NUDT17: variants seen among roughly 807,000 people sequenced by gnomAD.
NUDT17 encodes m7GpppN-mRNA hydrolase NUDT17.
In NUDT17, 38 loss-of-function variants were observed where a neutral mutation model predicts 38.6. The ratio of observed to expected loss-of-function variants is 0.98; its 90% CI spans 0.76 to 1.29. The LOEUF (loss-of-function observed/expected upper bound fraction) is 1.29, where lower values mean the gene tolerates loss of function less well. Ranked by LOEUF, NUDT17 falls within the 50% of genes most tolerant of loss-of-function variation. The pLI is 0.00. For synonymous variants in NUDT17, 192 were observed against 167.8 expected, an observed-to-expected ratio of 1.14 and a Z score of -1.11; for missense variants, 462 against 415.2, an observed-to-expected ratio of 1.11 and a Z score of -0.98.
chr1:145,845,700 A>C lies in NUDT17; in HGVS notation c.60A>C (p.Ala20=). The change falls in exon 1 of 8, where the codon GCA becomes GCC. Residue 20 remains alanine (A), a synonymous_variant. Coordinates refer to ENST00000334513, the MANE Select transcript of NUDT17 (RefSeq NM_001012758.3). ...GGCGTCCGGAGTCGGTGAGCTTCGC[A>C]CGGAGTGTGTGTGGCCTCCTGGGAG... ...LSRRPESVSF[A]RSVCGLLGAG... 4 of 1,549,438 alleles carry C rather than the reference A, an allele frequency of 2.6e-6. No individual in the cohort carries two copies. Among genetic ancestry groups the C allele is most frequent in the Non-Finnish European group, 3.5e-6 (4 of 1,145,646 alleles).
chr1:145,847,399 C>T (rs781806542), intron 5 of NUDT17, 51 bp downstream of exon 5: 5 of 1,455,042 alleles, frequency 3.4e-6, no homozygotes, highest in South Asian at 2.3e-5. Flanking sequence ...GCCCAAGCAA[C>T]CTGGTTCTGA....
At chr1:145,848,058 TA>T in intron 6 of NUDT17, 53 bp from the exon 7 acceptor site, 1 of 1,605,712 alleles carries the variant, frequency 6.2e-7, no homozygotes. Flanking sequence ...AACATATATG[TA>T]AGTTCTTTGT....
intron 5 of NUDT17, 102 bp downstream of exon 5, chr1:145,847,450 A>G: frequency 7.1e-7 from 1 of 1,415,004 alleles, no homozygotes; most frequent in Non-Finnish European, 9.9e-7. Flanking sequence ...GGGTAGTCAG[A>G]GATAACGAAG....
intron 7 of NUDT17, 41 bp from the exon 8 acceptor site, chr1:145,848,336 G>A: frequency 1.9e-6 from 3 of 1,612,052 alleles, no homozygotes; most frequent in Non-Finnish European, 2.5e-6. Context: ...AGGCACGGGG[G>A]AAAGCAGGAA....
chr1:145,845,662 C>T lies in NUDT17; in HGVS notation c.22C>T (p.Leu8=), dbSNP rs1263461117. The T allele has an allele frequency of 2.0e-6, 3 of 1,529,216 alleles. No homozygotes were observed. The highest frequency in any genetic ancestry group is 1.4e-5 in the African/African-American group (1 of 72,688). 94.7% of individuals were successfully genotyped at this position (1,529,216 alleles called of 1,614,324 possible). A position where few individuals can be genotyped will look rare whatever the true frequency, so the allele number is the denominator to read the frequency against. Residue 8 remains leucine (L), a synonymous_variant, in exon 1 of 8, where the codon CTG becomes TTG. Transcript: ENST00000334513. ...CGTTATGGCCGAGGTGCGGGTGCAG[C>T]TGCTCCTGTCCCGGCGTCCGGAGTC... is the stretch of plus-strand genomic sequence containing the variant. MAEVRVQ[L]LLSRRPESVS...
Position 145,848,509 on chromosome 1 carries a change from C to A in NUDT17, c.*30C>A. 7.0e-7 allele frequency: 1 copy of A among 1,430,694 alleles called. No homozygotes were observed. The highest frequency in any genetic ancestry group is 1.2e-5 in the South Asian group (1 of 85,482). 88.6% of individuals were successfully genotyped at this position (1,430,694 alleles called of 1,614,324 possible). A position where few individuals can be genotyped will look rare whatever the true frequency, so the allele number is the denominator to read the frequency against. ...TAAAATCCCCTCCCTAGCCCATCTC[C>A]ATGACACTCACAGAACATTCACAAC... On this transcript the variant is annotated 3_prime_UTR_variant, in exon 8 of 8. Transcript: ENST00000334513.
Position 145,846,716 on chromosome 1 carries a change from C to T in NUDT17, c.495+26C>T, listed in dbSNP as rs781889845. ...GTGAGACAAGTAGCTGGGAGAAGCT[C>T]CTCCATAGATCAGCCCCTACCTGCC... On this transcript the variant is annotated intron_variant, in intron 4 of 7. Transcript: ENST00000334513. 18 of 1,493,468 alleles carry T rather than the reference C, an allele frequency of 1.2e-5. No individual in the cohort carries two copies. The Admixed American group carries it at 2.8e-4, about 24-fold the overall frequency. 92.5% of individuals were successfully genotyped at this position (1,493,468 alleles called of 1,614,324 possible). A position where few individuals can be genotyped will look rare whatever the true frequency, so the allele number is the denominator to read the frequency against.
Position 145,847,305 on chromosome 1 carries a change from T to C in NUDT17, c.551T>C (p.Leu184Pro). The change falls in exon 5 of 8, where the codon CTG becomes CCG. Residue 184 changes from leucine (L) to proline (P), a missense_variant. Coordinates refer to ENST00000334513, the MANE Select transcript of NUDT17 (RefSeq NM_001012758.3). ...TTACCCAAATACCATCACATTGTTC[T>C]GTATCTACTCGTGATCTCCCAGGAA... ...WGLPKYHHIV[L>P]YLLVISQESQ... The C allele has an allele frequency of 6.2e-7, 1 of 1,612,096 alleles. No individual in the cohort carries two copies. The highest frequency in any genetic ancestry group is 1.3e-5 in the African/African-American group (1 of 74,976).
chr1:145,847,523 A>T (rs1410407795), intron 5 of NUDT17, 60 bp from the exon 6 acceptor site: 5 of 1,600,428 alleles, frequency 3.1e-6, no homozygotes, highest in Non-Finnish European at 4.3e-6. Flanking sequence ...GTAGGTTTTG[A>T]TCACGAACAG....
At chr1:145,846,757 A>G in intron 4 of NUDT17, 67 bp downstream of exon 4, 3 of 1,072,676 alleles carry the variant, frequency 2.8e-6, no homozygotes, top group Non-Finnish European at 4.4e-6. Context: ...TACAAGGGAA[A>G]CAATAGCACA....
Position 145,845,753 on chromosome 1 carries a change from T to C in NUDT17, c.113T>C (p.Ile38Thr), listed in dbSNP as rs1197709010. Residue 38 changes from isoleucine to threonine, a missense_variant, in exon 1 of 8, where the codon ATT becomes ACT. Coordinates refer to ENST00000334513, the MANE Select transcript of NUDT17 (RefSeq NM_001012758.3). ...GAGPGLGTWP[I>T]HCSLKRGRLV... ...GGACCAGGGCTCGGGACGTGGCCCA[T>C]TCACTGCAGCTTGAAGCGAGGACGG... 2.7e-5 allele frequency: 43 copies of C among 1,576,570 alleles called. No homozygotes were observed. Among genetic ancestry groups the C allele is most frequent in the Non-Finnish European group, 3.5e-5 (41 of 1,161,748 alleles).
At position 145,848,421 on chromosome 1, in the gene NUDT17, C is replaced by T; in HGVS notation, c.929C>T (p.Pro310Leu). 2 of 1,614,142 alleles carry T rather than the reference C, an allele frequency of 1.2e-6. No homozygotes were observed. The highest frequency in any genetic ancestry group is 1.1e-5 in the South Asian group (1 of 91,080). ...CKSAAYLDPG[P>L]AKEEWNMDPL... is the part of the protein sequence containing the mutation. ...AGTGCAGCTTACCTGGACCCAGGGCCAGCAAAGGAAGAATGGAACATGGAC... is the reference window on the plus strand; with the variant it reads ...AGTGCAGCTTACCTGGACCCAGGGCTAGCAAAGGAAGAATGGAACATGGAC... Residue 310 changes from proline (P) to leucine (L), a missense_variant, in exon 8 of 8, where the codon CCA (proline) becomes CTA (leucine). Physicochemically the swap from Pro to Leu is moderately conservative, Grantham distance 98 (BLOSUM62 -3). Transcript: ENST00000334513.
chr1:145,847,609 G>A lies in NUDT17; in HGVS notation c.621G>A (p.Glu207=). 6.2e-7 allele frequency: 1 copy of A among 1,613,860 alleles called. No homozygotes were observed. Among genetic ancestry groups the A allele is most frequent in the Non-Finnish European group, 8.5e-7 (1 of 1,180,028 alleles). ...LQARIQPNPN[E]VSALMWLTPD... The stretch of plus-strand genomic sequence containing the variant: ...CCCGGATCCAACCAAACCCAAATGA[G>A]GTGAGCGCCCTTATGTGGCTGACAC... Residue 207 remains glutamate (E), a synonymous_variant, in exon 6 of 8, where the codon GAG becomes GAA. Coordinates refer to ENST00000334513, the MANE Select transcript of NUDT17 (RefSeq NM_001012758.3).
chr1:145,845,884 A>G, intron 1 of NUDT17, 52 bp downstream of exon 1: 2 of 1,539,454 alleles, frequency 1.3e-6, no homozygotes, highest in Non-Finnish European at 1.8e-6. Flanking sequence ...AAAGATGGGG[A>G]CTGAAATCGG....
In NUDT17 at chr1:145,845,709, G is replaced by C; in HGVS notation, c.69G>C (p.Val23=). ...RPESVSFARS[V]CGLLGAGPGL... is the part of the protein sequence containing the mutation. ...AGTCGGTGAGCTTCGCACGGAGTGTGTGTGGCCTCCTGGGAGCCGGACCAG... is the reference window on the plus strand; with the variant it reads ...AGTCGGTGAGCTTCGCACGGAGTGTCTGTGGCCTCCTGGGAGCCGGACCAG... The change falls in exon 1 of 8, where the codon GTG becomes GTC. Residue 23 remains valine, a synonymous_variant. Coordinates refer to ENST00000334513, the MANE Select transcript of NUDT17 (RefSeq NM_001012758.3). 1 of 1,553,462 alleles carries C rather than the reference G, an allele frequency of 6.4e-7. No individual in the cohort carries two copies. The highest frequency in any genetic ancestry group is 8.7e-7 in the Non-Finnish European group (1 of 1,148,468).
chr1:145,848,529 C>A lies in NUDT17; in HGVS notation c.*50C>A. 1 of 1,266,490 alleles carries A rather than the reference C, an allele frequency of 7.9e-7. No individual in the cohort carries two copies. Among genetic ancestry groups the A allele is most frequent in the Non-Finnish European group, 1.1e-6 (1 of 877,532 alleles). 78.5% of individuals were successfully genotyped at this position (1,266,490 alleles called of 1,614,324 possible). A position where few individuals can be genotyped will look rare whatever the true frequency, so the allele number is the denominator to read the frequency against. On this transcript the variant is annotated 3_prime_UTR_variant, in exon 8 of 8. Transcript: ENST00000334513. ...ATCTCCATGACACTCACAGAACATT[C>A]ACAACCTTTATTATGGGTGAGAGCT...
At position 145,847,570 on chromosome 1, in the gene NUDT17, T is replaced by A. The variant is rs182023518; in HGVS notation, c.595-13T>A. On this transcript the variant is annotated splice_polypyrimidine_tract_variant and intron_variant, in intron 5 of 7. Coordinates refer to ENST00000334513, the MANE Select transcript of NUDT17 (RefSeq NM_001012758.3). ...AGAGGCAATGACTGAGGGGTCACCA[T>A]GTCTGACCCCAGGCCCGGATCCAAC... is the stretch of plus-strand genomic sequence containing the variant. 4.5e-5 allele frequency: 73 copies of A among 1,612,216 alleles called. No homozygotes were observed. Among genetic ancestry groups the A allele is most frequent in the Non-Finnish European group, 6.1e-5 (72 of 1,179,852 alleles).
Position 145,845,834 on chromosome 1 carries a change from T to C in NUDT17, c.192+2T>C. On this transcript the variant is annotated splice_donor_variant, in intron 1 of 7. Coordinates refer to ENST00000334513, the MANE Select transcript of NUDT17 (RefSeq NM_001012758.3). LOFTEE classifies it high-confidence loss of function. Reference sequence around the variant, plus strand: ...GCCTCCGCTAGGCTTCCGCTCCAGGTCGGCAGAAGGGGGCCCCAGAGCGGG... The same window carrying C: ...GCCTCCGCTAGGCTTCCGCTCCAGGCCGGCAGAAGGGGGCCCCAGAGCGGG... 2 of 1,590,218 alleles carry C rather than the reference T, an allele frequency of 1.3e-6. No homozygotes were observed. Among genetic ancestry groups the C allele is most frequent in the Non-Finnish European group, 1.7e-6 (2 of 1,168,782 alleles).
chr1:145,847,092 G>A (rs587744251), intron 4 of NUDT17, among the ~76,000 whole-genome samples, 158 bp from the exon 5 acceptor site: 2 of 152,084 alleles, frequency 1.3e-5, no homozygotes, highest in African/African-American at 4.8e-5. Flanking sequence ...TACTCTGGAG[G>A]CTGAGGCTGG....
Sources: allele counts gnomAD v4.1 joint callset (sites outside exome capture counted in the v4.1 genomes callset), GRCh38; gene constraint gnomAD v4.1.1; transcripts MANE v1.5; gene names NCBI Gene and HGNC (gene_info 2026-07-23, HGNC 2026-07-21).